Variants in WARS2 observed in about 807,000 individuals in gnomAD.
WARS2 encodes tryptophan--tRNA ligase, mitochondrial.
WARS2 carries 28 observed loss-of-function variants against 36.5 expected under a neutral mutation model. That is an observed-to-expected ratio of 0.77 (90% CI 0.57 to 1.05). The LOEUF (loss-of-function observed/expected upper bound fraction) is 1.05, where lower values mean the gene tolerates loss of function less well. WARS2 is among the 50% of genes least tolerant of loss of function. The pLI is 0.00. For missense variants in WARS2, 435 were observed against 456.8 expected (o/e 0.95, Z 0.44); for synonymous variants, 174 against 178.4 (o/e 0.98, Z 0.20).
chr1:119,077,785 G>A (rs941586446), intron 1 of WARS2, among the ~76,000 whole-genome samples: 3 of 151,936 alleles, frequency 2.0e-5, no homozygotes, highest in African/African-American at 7.3e-5. Flanking sequence ...AAAAAAAATT[G>A]CTATTTTTCC....
At chr1:119,086,832 C>T (rs1652709279) in intron 1 of WARS2, among the ~76,000 whole-genome samples, 1 of 152,110 alleles carries the variant, frequency 6.6e-6, no homozygotes. Context: ...CCCAGTCATT[C>T]TCCAATCACA....
intron 2 of WARS2, among the ~76,000 whole-genome samples, chr1:119,058,385 C>T (rs1300171533): frequency 9.0e-6 from 1 of 111,306 alleles, no homozygotes; most frequent in Non-Finnish European, 1.8e-5. Flanking sequence ...TATACATGTG[C>T]CATGCTGGTG....
chr1:119,087,087 C>T (rs1256758014), intron 1 of WARS2, among the ~76,000 whole-genome samples: 2 of 152,206 alleles, frequency 1.3e-5, no homozygotes, highest in Admixed American at 1.3e-4. Context: ...CTCTTTTTCT[C>T]TCTCTCACTC....
chr1:119,118,426 G>T (rs905445835), intron 1 of WARS2, among the ~76,000 whole-genome samples: 3 of 151,808 alleles, frequency 2.0e-5, no homozygotes, highest in African/African-American at 7.3e-5. Context: ...AAGAAATGTG[G>T]GATTATGTTA....
chr1:119,117,245 C>A (rs1383098784), intron 1 of WARS2, among the ~76,000 whole-genome samples: 1 of 152,102 alleles, frequency 6.6e-6, no homozygotes, highest in Admixed American at 6.5e-5. Flanking sequence ...GAGAACCACC[C>A]CTCCATCCCC....
At chr1:119,049,692 C>T (rs1246636986) in intron 2 of WARS2, among the ~76,000 whole-genome samples, 2 of 152,194 alleles carry the variant, frequency 1.3e-5, no homozygotes, top group Non-Finnish European at 2.9e-5. Context: ...ATGGTAACTC[C>T]AACTCTGCAG....
intron 1 of WARS2, among the ~76,000 whole-genome samples, chr1:119,135,759 TAG>T (rs71586673): frequency 0.29 from 42,378 of 145,774 alleles, 6,349 homozygotes; most frequent in East Asian, 0.41. Flanking sequence ...GATAGAGAGA[TAG>T]AGAGAGAGAG....
chr1:119,136,272 G>A (rs587609969), intron 1 of WARS2, among the ~76,000 whole-genome samples: 73 of 152,176 alleles, frequency 4.8e-4, no homozygotes, highest in African/African-American at 1.5e-3. Context: ...CATGGCTGCC[G>A]TACTATCTGC....
At chr1:119,127,011 T>C in intron 1 of WARS2, 1 of 747,184 alleles carries the variant, frequency 1.3e-6, no homozygotes, top group Non-Finnish European at 2.4e-6. Flanking sequence ...TAGGCAGTTT[T>C]TGCCCTAAAC....
At chr1:119,056,186 ATTTTTTTTT>A (rs751264352) in intron 2 of WARS2, among the ~76,000 whole-genome samples, 14 of 116,150 alleles carry the variant, frequency 1.2e-4, no homozygotes, top group African/African-American at 4.6e-4. Context: ...TGCCTGGCTA[ATTTTTTTTT>A]TTTTTTTTTT....
At chr1:119,067,745 T>C (rs1650990028) in intron 2 of WARS2, among the ~76,000 whole-genome samples, 1 of 152,064 alleles carries the variant, frequency 6.6e-6, no homozygotes, top group South Asian at 2.1e-4. Context: ...CACTTGCCCA[T>C]AGTCTCACAA....
rs371771204 is a variant in WARS2, at chr1:119,034,223, A to G, written c.516-10T>C. 15 of 1,609,138 alleles carry G rather than the reference A, an allele frequency of 9.3e-6. No homozygotes were observed. In the African/African-American group the frequency reaches 1.9e-4, roughly 20 times the overall value. On this transcript the variant is annotated splice_polypyrimidine_tract_variant and intron_variant, in intron 4 of 5. Coordinates refer to ENST00000235521, the MANE Select transcript of WARS2 (RefSeq NM_015836.4). The stretch of plus-strand genomic sequence containing the variant: ...AGGAACGTGTGTGGACCTTTAATAA[A>G]AGACAGACAGAAAAACAACAGCAAG...
chr1:119,079,795 G>A (rs2101341011), intron 1 of WARS2, among the ~76,000 whole-genome samples: 1 of 152,212 alleles, frequency 6.6e-6, no homozygotes, highest in African/African-American at 2.4e-5. Flanking sequence ...GAACTGAGGA[G>A]GAAACCCAAA....
At chr1:119,066,290 AAT>A (rs1557955699) in intron 2 of WARS2, among the ~76,000 whole-genome samples, 6 of 152,110 alleles carry the variant, frequency 3.9e-5, no homozygotes, top group South Asian at 2.1e-4. Flanking sequence ...CATCCTGGCT[AAT>A]ACGGTGAAAC....
At chr1:119,082,716 G>A (rs143472234) in intron 1 of WARS2, among the ~76,000 whole-genome samples, 217 of 152,280 alleles carry the variant, frequency 1.4e-3, no homozygotes, top group Admixed American at 3.0e-3. Context: ...AAGGCCAAGG[G>A]CATACAACTA....
chr1:119,064,115 C>T (rs933916887), intron 2 of WARS2: 1 of 152,376 alleles, frequency 6.6e-6, no homozygotes, highest in Admixed American at 6.5e-5. Flanking sequence ...TGGGAATCCA[C>T]CTCTTGCATC....
intron 1 of WARS2, chr1:119,085,780 A>T: frequency 6.2e-7 from 1 of 1,602,494 alleles, no homozygotes; most frequent in Admixed American, 1.7e-5. Flanking sequence ...ATCTCCCCAT[A>T]CTGTGAGAAC....
intron 1 of WARS2, among the ~76,000 whole-genome samples, chr1:119,078,791 T>C (rs938725962): frequency 6.6e-6 from 1 of 152,160 alleles, no homozygotes; most frequent in Non-Finnish European, 1.5e-5. Context: ...TATTATCTTT[T>C]GACAAAGATA....
In WARS2 at chr1:119,085,208, G is replaced by A. The variant is rs1200537155; in HGVS notation, c.91-8601C>T. 4 of 828,496 alleles carry A rather than the reference G, an allele frequency of 4.8e-6. No homozygotes were observed. The South Asian group carries it at 5.3e-5, about 11-fold the overall frequency. The allele number at this position is 828,496 out of a possible 1,614,324, so 51.3% of individuals were successfully genotyped here. On this transcript the variant is annotated intron_variant, in intron 1 of 5. Coordinates refer to ENST00000235521, the MANE Select transcript of WARS2 (RefSeq NM_015836.4). ...CTTCTCTTGCCTCCCTCCTGCTTGA[G>A]GACCTGTGCTCGTGCTTGGGTTTCC...
Sources: gnomAD v4.1 joint callset for allele counts (sites outside exome capture counted in the v4.1 genomes callset) on GRCh38, gnomAD v4.1.1 for gene constraint, MANE v1.5 for transcripts, NCBI Gene and HGNC (gene_info 2026-07-23, HGNC 2026-07-21) for gene names.